SVOPL: variants seen among roughly 807,000 people sequenced by gnomAD.
SVOPL encodes SVOP like.
SVOPL carries 60 observed loss-of-function variants against 61.0 expected under a neutral mutation model. That is an observed-to-expected ratio of 0.98 (90% CI 0.80 to 1.22). The LOEUF is 1.22. Ranked by LOEUF, SVOPL falls within the 50% of genes most tolerant of loss-of-function variation. The pLI is 0.00. For missense variants in SVOPL, 662 were observed against 643.9 expected (o/e 1.03, Z -0.30); for synonymous variants, 279 against 250.0 (o/e 1.12, Z -1.09).
At chr7:138,691,073 C>G (rs1188354438) in intron 1 of SVOPL, among the ~76,000 whole-genome samples, 2 of 152,154 alleles carry the variant, frequency 1.3e-5, no homozygotes, top group Non-Finnish European at 2.9e-5. Flanking sequence ...CCGCACCCAG[C>G]CTGAATTGCA....
intron 1 of SVOPL, among the ~76,000 whole-genome samples, chr7:138,693,529 AAAAGAAAGAAAGAAAGAAAG>A (rs745407235): frequency 0.062 from 7,224 of 117,080 alleles, 391 homozygotes; most frequent in African/African-American, 0.14. Context: ...AAAAGAAAGA[AAAAGAAAGAAAGAAAGAAAG>A]AAAGAAAGAA....
At chr7:138,685,495 G>T (rs112775367) in intron 1 of SVOPL, among the ~76,000 whole-genome samples, 4,528 of 152,232 alleles carry the variant, frequency 0.03, 106 homozygotes, top group South Asian at 0.092. Flanking sequence ...TATACAAGAT[G>T]AATGAGTCCT....
chr7:138,654,933 G>A (rs973947992), intron 7 of SVOPL, among the ~76,000 whole-genome samples: 1 of 147,018 alleles, frequency 6.8e-6, no homozygotes, highest in African/African-American at 2.5e-5. Flanking sequence ...GCTCATGCCT[G>A]TAATCCCAGC....
rs1345815770 is a variant in SVOPL, at chr7:138,659,849, G to T, written c.470+15C>A. 4 of 1,551,190 alleles carry T rather than the reference G, an allele frequency of 2.6e-6. No individual in the cohort carries two copies. The South Asian group carries it at 4.8e-5, about 18-fold the overall frequency. ...ACACGTTTCTGTCTCAGGGTCCCCT[G>T]GGTAACATATTTACCCTTGCGAGTG... On this transcript the variant is annotated intron_variant, in intron 6 of 15. Transcript: ENST00000674285.
In SVOPL at chr7:138,627,405, T is replaced by C; in HGVS notation, c.1126A>G (p.Ile376Val). ...NFLGRRLSLSITMGCTALFFL... is the reference protein window; with the variant it reads ...NFLGRRLSLSVTMGCTALFFL... ...AATAAAGCCGTGCATCCCATGGTAATAGAAAGGCTCAGCCGTCTTCCCAGG... is the reference window on the plus strand; with the variant it reads ...AATAAAGCCGTGCATCCCATGGTAACAGAAAGGCTCAGCCGTCTTCCCAGG... The change falls in exon 12 of 16, where the codon ATT becomes GTT. Residue 376 changes from isoleucine (I) to valine (V), a missense_variant. Transcript: ENST00000674285. 1 of 1,613,818 alleles carries C rather than the reference T, an allele frequency of 6.2e-7. No homozygotes were observed. The highest frequency in any genetic ancestry group is 8.5e-7 in the Non-Finnish European group (1 of 1,179,736).
At position 138,605,844 on chromosome 7, in the gene SVOPL, G is replaced by A. The variant is rs188809116; in HGVS notation, c.1354-9314C>T. 4.9e-4 allele frequency among the ~76,000 whole-genome samples: 74 copies of A among 152,248 alleles called. 1 individual carries two copies. Among genetic ancestry groups the A allele is most frequent in the African/African-American group, 1.7e-3 (70 of 41,554 alleles). Reference sequence around the variant, plus strand: ...GTCCTCGCTGGCCACCCAGCATTGCGGTCCAGGGCTCTCCCTCCCCACTCC... The same window carrying A: ...GTCCTCGCTGGCCACCCAGCATTGCAGTCCAGGGCTCTCCCTCCCCACTCC... On this transcript the variant is annotated intron_variant, in intron 14 of 15. Transcript: ENST00000674285.
chr7:138,682,423 C>A (rs1262517290), intron 1 of SVOPL, among the ~76,000 whole-genome samples: 1 of 152,196 alleles, frequency 6.6e-6, no homozygotes, highest in Non-Finnish European at 1.5e-5. Flanking sequence ...AATCAGGAAT[C>A]TAGCTCTAGC....
intron 9 of SVOPL, among the ~76,000 whole-genome samples, chr7:138,635,251 G>A (rs1237391879): frequency 1.4e-5 from 2 of 143,756 alleles, no homozygotes; most frequent in Admixed American, 7.3e-5. Flanking sequence ...CAGCCTGGGC[G>A]ACAAGAGCAA....
intron 8 of SVOPL, among the ~76,000 whole-genome samples, chr7:138,648,124 G>C (rs1191516261): frequency 6.6e-6 from 1 of 152,110 alleles, no homozygotes; most frequent in African/African-American, 2.4e-5. Flanking sequence ...ACAGATGAGT[G>C]GGAGAGAAGC....
At chr7:138,688,252 G>T (rs1359622751) in intron 1 of SVOPL, among the ~76,000 whole-genome samples, 2 of 151,400 alleles carry the variant, frequency 1.3e-5, no homozygotes, top group African/African-American at 2.4e-5. Flanking sequence ...TTCCTACTCA[G>T]TAGGATGCCG....
Position 138,649,114 on chromosome 7 carries a change from C to G in SVOPL, c.558G>C (p.Leu186=), listed in dbSNP as rs542951871. 1.4e-5 allele frequency: 22 copies of G among 1,612,970 alleles called. No homozygotes were observed. The highest frequency in any genetic ancestry group is 1.6e-4 in the Middle Eastern group (1 of 6,080). ...TCACAGAGGCCAAGCCAATGATGAGCAGGGAGCCCGCAAGCCAGAACACCT... is the reference window on the plus strand; with the variant it reads ...TCACAGAGGCCAAGCCAATGATGAGGAGGGAGCCCGCAAGCCAGAACACCT... ...LSQVFWLAGS[L]LIIGLASVII... is the part of the protein sequence containing the mutation. The change falls in exon 8 of 16, where the codon CTG becomes CTC. Residue 186 remains leucine (L), a synonymous_variant. Transcript: ENST00000674285.
chr7:138,627,557 A>C, intron 11 of SVOPL, 96 bp from the exon 12 acceptor site: 1 of 883,576 alleles, frequency 1.1e-6, no homozygotes, highest in South Asian at 1.5e-5. Context: ...TTTCAGAAAG[A>C]AGCAACTTCA....
In SVOPL at chr7:138,659,922, T is replaced by C. The variant is rs1233859885; in HGVS notation, c.412A>G (p.Ile138Val). 1.9e-6 allele frequency: 3 copies of C among 1,551,226 alleles called. No individual in the cohort carries two copies. Among genetic ancestry groups the C allele is most frequent in the African/African-American group, 1.4e-5 (1 of 72,884 alleles). Residue 138 changes from isoleucine to valine, a missense_variant, in exon 6 of 16, where the codon ATC becomes GTC. Physicochemically the swap from Ile to Val is conservative, Grantham distance 29. Transcript: ENST00000674285. ...ATCGTCCGCAGGAAGACAAACCAGA[T>C]GTACGAAGGAGCAAACGAGGTCAGC... ...SLLTSFAPSY[I>V]WFVFLRTMVG...
intron 8 of SVOPL, 142 bp downstream of exon 8, chr7:138,648,870 C>T (rs948823464): frequency 3.9e-5 from 50 of 1,274,136 alleles, no homozygotes; most frequent in African/African-American, 1.1e-4. Flanking sequence ...TGCAGTGAGC[C>T]GAGATTGCAC....
intron 9 of SVOPL, among the ~76,000 whole-genome samples, chr7:138,631,548 G>C (rs552626841): frequency 6.6e-6 from 1 of 151,748 alleles, no homozygotes; most frequent in African/African-American, 2.4e-5. Flanking sequence ...ATCTCCTGGG[G>C]CCTGCAGTGT....
At chr7:138,618,647 C>G (rs543090358) in intron 14 of SVOPL, among the ~76,000 whole-genome samples, 1 of 149,598 alleles carries the variant, frequency 6.7e-6, no homozygotes, top group Non-Finnish European at 1.5e-5. Context: ...GGTGACAGAG[C>G]GAGACAGAGA....
chr7:138,644,907 A>G (rs1164931505), intron 8 of SVOPL, 62 bp from the exon 9 acceptor site: 1 of 1,605,246 alleles, frequency 6.2e-7, no homozygotes, highest in Non-Finnish European at 8.5e-7. Flanking sequence ...GGGTACAGCT[A>G]TTATTGCTCT....
chr7:138,596,854 A>C (rs537315796), intron 14 of SVOPL: 3 of 1,100,298 alleles, frequency 2.7e-6, no homozygotes, highest in Non-Finnish European at 3.3e-6. Flanking sequence ...CCCCTTTCTC[A>C]TACCATTTCA....
chr7:138,636,580 C>T (rs1197891610), intron 9 of SVOPL, among the ~76,000 whole-genome samples: 2 of 151,372 alleles, frequency 1.3e-5, no homozygotes, highest in Non-Finnish European at 2.9e-5. Flanking sequence ...AAGTGATTCT[C>T]GTGCCTCGGC....
Sources: allele counts gnomAD v4.1 joint callset (sites outside exome capture counted in the v4.1 genomes callset), GRCh38; gene constraint gnomAD v4.1.1; transcripts MANE v1.5; gene names NCBI Gene and HGNC (gene_info 2026-07-23, HGNC 2026-07-21).